The following SDCCAG8 variants were observed in gnomAD, a reference collection of about 807,000 sequenced individuals.
SDCCAG8 encodes the protein serologically defined colon cancer antigen 8.
A neutral mutation model predicts 101.8 loss-of-function variants in SDCCAG8; 74 were observed. The ratio of observed to expected loss-of-function variants is 0.73; its 90% CI spans 0.60 to 0.88. The LOEUF is 0.88. Among genes scored for constraint, SDCCAG8 ranks in the 40% least tolerant of loss-of-function variants. The pLI is 0.00. For missense variants in SDCCAG8, 787 were observed against 822.6 expected (o/e 0.96, Z 0.53); for synonymous variants, 281 against 292.9 (o/e 0.96, Z 0.41).
chr1:243,331,026 C>G (rs774107803), intron 10 of SDCCAG8, among the ~76,000 whole-genome samples: 4 of 152,134 alleles, frequency 2.6e-5, no homozygotes, highest in Non-Finnish European at 5.9e-5. Context: ...TTATTTCAAC[C>G]TTGGCTAAAT....
chr1:243,332,855 GTTATCGTAGTCCAGGTCTGGAGGTGA>G (rs1558308877), intron 10 of SDCCAG8, among the ~76,000 whole-genome samples: 50 of 139,180 alleles, frequency 3.6e-4, no homozygotes, highest in East Asian at 2.3e-3. Context: ...TCTGGAGGTG[GTTATCGTAGTCCAGGTCTGGAGGTGA>G]TTATCGTAGT....
chr1:243,343,270 T>C (rs2075493573), intron 11 of SDCCAG8, among the ~76,000 whole-genome samples: 1 of 152,204 alleles, frequency 6.6e-6, no homozygotes, highest in Admixed American at 6.5e-5. Context: ...TGAGATAATA[T>C]ATTAAGAGCC....
intron 1 of SDCCAG8, 57 bp from the exon 2 acceptor site, chr1:243,270,047 TG>T (rs1268172622): frequency 1.1e-5 from 18 of 1,612,962 alleles, no homozygotes; most frequent in Non-Finnish European, 1.4e-5. Flanking sequence ...CCTGAGTAAG[TG>T]TCCGTTTGGT....
intron 4 of SDCCAG8, among the ~76,000 whole-genome samples, chr1:243,280,921 G>A (rs1307071096): frequency 1.3e-5 from 2 of 152,214 alleles, no homozygotes; most frequent in Admixed American, 6.5e-5. Flanking sequence ...GTTAGATCCA[G>A]TTGATTGATG....
chr1:243,436,149 T>C (rs899757909), intron 16 of SDCCAG8, among the ~76,000 whole-genome samples: 1 of 151,360 alleles, frequency 6.6e-6, no homozygotes, highest in Non-Finnish European at 1.5e-5. Flanking sequence ...CTGTATGATA[T>C]CATATCATGT....
intron 13 of SDCCAG8, among the ~76,000 whole-genome samples, chr1:243,408,065 A>G (rs1472207908): frequency 6.6e-6 from 1 of 152,190 alleles, no homozygotes; most frequent in East Asian, 1.9e-4. Context: ...TTCAATAATA[A>G]TAATAAATTC....
intron 16 of SDCCAG8, among the ~76,000 whole-genome samples, chr1:243,470,059 CCA>C (rs1240182932): frequency 6.6e-6 from 1 of 151,622 alleles, no homozygotes; most frequent in East Asian, 1.9e-4. Flanking sequence ...GATCATAGTT[CCA>C]CACACAAGAA....
rs2067896086 is a variant in SDCCAG8 at position 243,269,372 on chromosome 1, G to A, written c.68-733G>A. On this transcript the variant is annotated intron_variant, in intron 1 of 17. Transcript: ENST00000366541. ...GGCTGGAGTGCAGTGGTGCGATCTC[G>A]GCTCGCTGCAACCCCTTGGAGGCTA... Among the ~76,000 whole-genome samples, 3 of 147,880 alleles carry A rather than the reference G, an allele frequency of 2.0e-5. No individual in the cohort carries two copies. In the South Asian group the frequency reaches 6.5e-4, roughly 32 times the overall value.
At chr1:243,323,364 C>T (rs889084487) in intron 9 of SDCCAG8, among the ~76,000 whole-genome samples, 8 of 152,164 alleles carry the variant, frequency 5.3e-5, no homozygotes, top group African/African-American at 1.9e-4. Flanking sequence ...AGAGCCTCCT[C>T]AGCATCTTCT....
chr1:243,476,538 T>C (rs984909291), intron 16 of SDCCAG8, among the ~76,000 whole-genome samples: 2 of 152,196 alleles, frequency 1.3e-5, no homozygotes, highest in Admixed American at 6.5e-5. Flanking sequence ...AGGAGGGTTT[T>C]AGTCTCTGGG....
chr1:243,407,708 C>T (rs1465700139), intron 13 of SDCCAG8, among the ~76,000 whole-genome samples: 1 of 152,150 alleles, frequency 6.6e-6, no homozygotes, highest in Non-Finnish European at 1.5e-5. Context: ...AAGTTGACCT[C>T]CTTTCTGTTT....
chr1:243,375,218 A>T (rs1030252320), intron 12 of SDCCAG8, among the ~76,000 whole-genome samples: 1 of 152,134 alleles, frequency 6.6e-6, no homozygotes, highest in Non-Finnish European at 1.5e-5. Context: ...AAATAGCAGT[A>T]TAAGTTTGTC....
chr1:243,306,975 T>G (rs1281129335), intron 7 of SDCCAG8, among the ~76,000 whole-genome samples: 2 of 152,030 alleles, frequency 1.3e-5, no homozygotes, highest in Non-Finnish European at 2.9e-5. Context: ...GTGGAGACTT[T>G]GACAATGACA....
intron 16 of SDCCAG8, among the ~76,000 whole-genome samples, chr1:243,477,130 T>C (rs905728186): frequency 6.6e-6 from 1 of 152,206 alleles, no homozygotes; most frequent in Non-Finnish European, 1.5e-5. Flanking sequence ...TCTGTAATAT[T>C]CTTGCAACTT....
intron 15 of SDCCAG8, among the ~76,000 whole-genome samples, chr1:243,425,963 C>A (rs565214429): frequency 6.6e-6 from 1 of 152,088 alleles, no homozygotes. Context: ...GCACCATGGC[C>A]CAAAGAAGTT....
chr1:243,474,710 A>G lies in SDCCAG8; in HGVS notation c.1986-14304A>G, dbSNP rs1662032778. 2.0e-5 allele frequency among the ~76,000 whole-genome samples: 3 copies of G among 152,224 alleles called. No homozygotes were observed. The South Asian group carries it at 6.2e-4, about 31-fold the overall frequency. ...GCACAATTGCCCAGCGTGGGGTGGA[A>G]GGCAGGCTGGGAGCTCCCGGGACGC... On this transcript the variant is annotated intron_variant, in intron 16 of 17. Transcript: ENST00000366541. The surrounding 1 kb of genome is among the most constrained non-coding windows in gnomAD (Gnocchi z 4.7).
At chr1:243,455,312 C>T (rs957802649) in intron 16 of SDCCAG8, among the ~76,000 whole-genome samples, 8 of 152,128 alleles carry the variant, frequency 5.3e-5, no homozygotes, top group South Asian at 2.1e-4. Flanking sequence ...CTGTGTTGCC[C>T]AGGCTAGGGT....
intron 4 of SDCCAG8, among the ~76,000 whole-genome samples, chr1:243,278,096 T>C (rs943706219): frequency 1.3e-5 from 2 of 152,226 alleles, no homozygotes; most frequent in African/African-American, 2.4e-5. Context: ...GGCATTTTGA[T>C]ACTATTGAGT....
intron 13 of SDCCAG8, among the ~76,000 whole-genome samples, chr1:243,409,287 A>T (rs2080000836): frequency 6.6e-6 from 1 of 152,180 alleles, no homozygotes; most frequent in Non-Finnish European, 1.5e-5. Flanking sequence ...AAAAAATTAC[A>T]ATTATGGAAA....
Sources: allele counts gnomAD v4.1 joint callset (sites outside exome capture counted in the v4.1 genomes callset), GRCh38; gene constraint gnomAD v4.1.1; non-coding constraint Gnocchi (gnomAD v3.1); transcripts MANE v1.5; gene names NCBI Gene and HGNC (gene_info 2026-07-23, HGNC 2026-07-21).